The following MGLL variants were observed in gnomAD, a reference collection of about 807,000 sequenced individuals.
The protein encoded by MGLL is monoglyceride lipase.
MGLL carries 7 observed loss-of-function variants against 29.1 expected under a neutral mutation model. That is an observed-to-expected ratio of 0.24 (90% CI 0.14 to 0.45). MGLL has a LOEUF of 0.45. Among genes scored for constraint, MGLL ranks in the 20% least tolerant of loss-of-function variants. The pLI, the probability that MGLL is intolerant of heterozygous loss-of-function variation, is 0.99. For synonymous variants in MGLL, 148 were observed against 168.3 expected (o/e 0.88, Z 0.93); for missense variants, 356 against 413.6 (o/e 0.86, Z 1.21).
At chr3:127,786,455 G>A (rs1172723542) in intron 2 of MGLL, among the ~76,000 whole-genome samples, 2 of 152,256 alleles carry the variant, frequency 1.3e-5, no homozygotes, top group Non-Finnish European at 2.9e-5. Context: ...AACGGCTGCA[G>A]CCAGTTGGGA....
chr3:127,771,484 G>A (rs1393591623), intron 3 of MGLL, among the ~76,000 whole-genome samples: 3 of 152,254 alleles, frequency 2.0e-5, no homozygotes. Flanking sequence ...AGTCTCCCAA[G>A]TAGCTGAGAT....
intron 3 of MGLL, among the ~76,000 whole-genome samples, chr3:127,774,180 C>T (rs764779818): frequency 6.6e-6 from 1 of 152,242 alleles, no homozygotes; most frequent in South Asian, 2.1e-4. Flanking sequence ...GGCTTGCTGG[C>T]GACCTGAGAG....
intron 3 of MGLL, among the ~76,000 whole-genome samples, chr3:127,771,920 C>T (rs2076954968): frequency 1.3e-5 from 2 of 152,288 alleles, no homozygotes; most frequent in South Asian, 2.1e-4. Flanking sequence ...GCTGTCTTGG[C>T]AAGGACTCCT....
At chr3:127,697,272 T>C (rs1167203553) in intron 6 of MGLL, among the ~76,000 whole-genome samples, 4 of 152,066 alleles carry the variant, frequency 2.6e-5, no homozygotes, top group Non-Finnish European at 4.4e-5. Context: ...GGGCTTGGAG[T>C]CACCAACAGC....
chr3:127,735,735 C>T (rs781689383), intron 3 of MGLL: 65 of 1,597,734 alleles, frequency 4.1e-5, no homozygotes, highest in Non-Finnish European at 4.7e-5. Flanking sequence ...AGCACGTGCT[C>T]GCTCCCCGCC....
At chr3:127,784,606 C>G (rs953208911) in intron 2 of MGLL, among the ~76,000 whole-genome samples, 7 of 152,154 alleles carry the variant, frequency 4.6e-5, no homozygotes, top group Non-Finnish European at 1.0e-4. Context: ...TTGGCAGCAC[C>G]TGTAGGCTTA....
intron 2 of MGLL, among the ~76,000 whole-genome samples, chr3:127,819,580 C>T (rs1430243978): frequency 6.6e-6 from 1 of 152,050 alleles, no homozygotes; most frequent in Middle Eastern, 3.2e-3. Flanking sequence ...CAGGATTGCA[C>T]AAAGCGAGGC....
intron 3 of MGLL, among the ~76,000 whole-genome samples, chr3:127,744,755 C>T (rs1372171159): frequency 6.6e-6 from 1 of 152,168 alleles, no homozygotes; most frequent in African/African-American, 2.4e-5. Context: ...AGCTTTTACA[C>T]CGCCGGACAC....
intron 2 of MGLL, among the ~76,000 whole-genome samples, chr3:127,793,750 C>T (rs975274508): frequency 1.3e-5 from 2 of 151,996 alleles, no homozygotes; most frequent in Non-Finnish European, 2.9e-5. Flanking sequence ...TTAGTACAGA[C>T]GGGGTTTCAC....
At position 127,690,347 on chromosome 3, in the gene MGLL, CA is replaced by C. The variant is rs545174766; in HGVS notation, c.*1850del. ...TGCTCTGTGGGGACTTGGGCCGGGT[CA>C]GCAACCAAGCCCCCACCTGCCCCTT... On this transcript the variant is annotated 3_prime_UTR_variant, in exon 8 of 8. Transcript: ENST00000265052. 4.6e-5 allele frequency: 7 copies of C among 152,340 alleles called. No homozygotes were observed. The highest frequency in any genetic ancestry group is 1.4e-4 in the African/African-American group (6 of 41,574). 9.4% of individuals were successfully genotyped at this position (152,340 alleles called of 1,614,324 possible). A position where few individuals can be genotyped will look rare whatever the true frequency, so the allele number is the denominator to read the frequency against.
intron 6 of MGLL, among the ~76,000 whole-genome samples, chr3:127,709,777 C>T (rs1187516408): frequency 6.6e-6 from 1 of 152,200 alleles, no homozygotes; most frequent in Non-Finnish European, 1.5e-5. Context: ...CCATTAACTG[C>T]AAGCCCACTC....
chr3:127,692,207 G>A lies in MGLL; in HGVS notation c.933C>T (p.Ser311=), dbSNP rs2075260667. The A allele has an allele frequency of 3.1e-6, 5 of 1,613,674 alleles. No homozygotes were observed. In the Admixed American group the frequency reaches 8.3e-5, roughly 27 times the overall value. Residue 311 remains serine, a synonymous_variant, in exon 8 of 8, where the codon TCC becomes TCT. Transcript: ENST00000265052. ...SQRTATAGTA[S]PP is the part of the protein sequence containing the mutation. ...GCACCGGCCAATGCATTCAGGGTGG[G>A]GACGCAGTTCCTGCCGTGGCTGTCC... is the stretch of plus-strand genomic sequence containing the variant.
intron 2 of MGLL, among the ~76,000 whole-genome samples, chr3:127,798,469 G>A (rs894475569): frequency 1.3e-5 from 2 of 152,118 alleles, no homozygotes; most frequent in African/African-American, 4.8e-5. Flanking sequence ...GTCCTCTTGT[G>A]GAGCTGCCAC....
chr3:127,698,594 C>T (rs1228202310), intron 6 of MGLL, among the ~76,000 whole-genome samples: 1 of 151,830 alleles, frequency 6.6e-6, no homozygotes, highest in African/African-American at 2.4e-5. Context: ...GGGTGTGGGG[C>T]GAGTGGGGAG....
rs115662327 is a variant in MGLL at position 127,730,829 on chromosome 3, G to T, written c.263-8263C>A. Among the ~76,000 whole-genome samples, 333 of 152,322 alleles carry T rather than the reference G, an allele frequency of 2.2e-3. 3 individuals are homozygous for T. The highest frequency in any genetic ancestry group is 7.7e-3 in the African/African-American group (318 of 41,556). ...TCTAAGGTGAGTGTGGCTGGATGGG[G>T]CGCAAAACAGTCCTGAGTGAACGAT... is the stretch of plus-strand genomic sequence containing the variant. On this transcript the variant is annotated intron_variant, in intron 3 of 7. Coordinates refer to ENST00000265052, the MANE Select transcript of MGLL (RefSeq NM_007283.7).
At chr3:127,726,152 G>GA (rs1213245897) in intron 3 of MGLL, among the ~76,000 whole-genome samples, 8 of 25,176 alleles carry the variant, frequency 3.2e-4, no homozygotes, top group African/African-American at 1.2e-3. Context: ...AAGAAAGAAA[G>GA]AAAGAAAGAA....
chr3:127,689,612 G>A lies in MGLL; in HGVS notation c.*2586C>T, dbSNP rs551727705. The A allele has an allele frequency of 4.6e-5, 7 of 152,548 alleles. No homozygotes were observed. Among genetic ancestry groups the A allele is most frequent in the Non-Finnish European group, 5.9e-5 (4 of 68,270 alleles). The allele number at this position is 152,548 out of a possible 1,614,324, so 9.4% of individuals were successfully genotyped here. On this transcript the variant is annotated 3_prime_UTR_variant, in exon 8 of 8. Coordinates refer to ENST00000265052, the MANE Select transcript of MGLL (RefSeq NM_007283.7). ...CTTTGCCTTCCTCTCACCTTCTCGA[G>A]GCCAAGCTGTGCGAGACCTGGCATT...
At chr3:127,767,090 C>CA (rs2076872071) in intron 3 of MGLL, among the ~76,000 whole-genome samples, 1 of 150,234 alleles carries the variant, frequency 6.7e-6, no homozygotes, top group African/African-American at 2.5e-5. Context: ...AACAAAAAAA[C>CA]AAAAAAAACC....
chr3:127,760,727 G>C (rs115798292), intron 3 of MGLL, among the ~76,000 whole-genome samples: 4 of 152,220 alleles, frequency 2.6e-5, no homozygotes, highest in Non-Finnish European at 5.9e-5. Flanking sequence ...AATGGAACCT[G>C]CGGCTCTGCA....
Sources: allele counts gnomAD v4.1 joint callset (sites outside exome capture counted in the v4.1 genomes callset), GRCh38; gene constraint gnomAD v4.1.1; transcripts MANE v1.5; gene names NCBI Gene and HGNC (gene_info 2026-07-23, HGNC 2026-07-21).